Variants in CHD7 observed in about 807,000 individuals in gnomAD.
The protein encoded by CHD7 is chromodomain helicase DNA binding protein 7.
CHD7 carries 24 observed loss-of-function variants against 307.3 expected under a neutral mutation model. The observed-to-expected ratio is 0.08, with a 90% CI of 0.06 to 0.11. The LOEUF is 0.11. Among genes scored for constraint, CHD7 ranks in the 10% least tolerant of loss-of-function variants. The pLI is 1.00. For missense variants in CHD7, 3,106 were observed against 3,727.1 expected (o/e 0.83, Z 4.34); for synonymous variants, 1,363 against 1,349.9 (o/e 1.01, Z -0.21).
rs375800664 is a variant in CHD7, at chr8:60,865,135, C to T, written c.8196C>T (p.Ala2732=). 77 of 1,611,460 alleles carry T rather than the reference C, an allele frequency of 4.8e-5. No individual in the cohort carries two copies. The highest frequency in any genetic ancestry group is 3.3e-4 in the Middle Eastern group (2 of 6,080). ...KSEIARAAAA[A]AAVASTSGIN... ...AGATCGCCAGAGCAGCCGCGGCCGCCGCTGCTGTGGCCTCCACGTCAGGGA... is the reference window on the plus strand; with the variant it reads ...AGATCGCCAGAGCAGCCGCGGCCGCTGCTGCTGTGGCCTCCACGTCAGGGA... Residue 2732 remains alanine (A), a synonymous_variant, in exon 38 of 38, where the codon GCC becomes GCT. Transcript: ENST00000423902. The surrounding 1 kb of genome is among the most constrained non-coding windows in gnomAD (Gnocchi z 4.3).
chr8:60,682,148 T>C (rs1467080163), intron 1 of CHD7, among the ~76,000 whole-genome samples: 1 of 152,246 alleles, frequency 6.6e-6, no homozygotes, highest in Non-Finnish European at 1.5e-5. Context: ...AACAACGTAT[T>C]CAGTAACTTA....
At chr8:60,765,607 C>T (rs1490926328) in intron 2 of CHD7, among the ~76,000 whole-genome samples, 1 of 152,178 alleles carries the variant, frequency 6.6e-6, no homozygotes, top group Admixed American at 6.5e-5. Context: ...TCCACAAGCA[C>T]TAAATTGGGA....
chr8:60,767,438 G>T (rs1418831169), intron 2 of CHD7, among the ~76,000 whole-genome samples: 1 of 152,188 alleles, frequency 6.6e-6, no homozygotes, highest in Admixed American at 6.5e-5. Flanking sequence ...TAGTCCTTGA[G>T]GCAGACTTGT....
intron 8 of CHD7, among the ~76,000 whole-genome samples, chr8:60,819,370 A>C (rs1003659088): frequency 1.3e-5 from 2 of 152,246 alleles, no homozygotes; most frequent in African/African-American, 4.8e-5. Flanking sequence ...CCAATTATTT[A>C]GGCTTCATTT....
At chr8:60,809,227 A>G (rs1335854116) in intron 7 of CHD7, among the ~76,000 whole-genome samples, 1 of 152,226 alleles carries the variant, frequency 6.6e-6, no homozygotes, top group Non-Finnish European at 1.5e-5. Context: ...AAGTAAAAAG[A>G]TAAAGAAGTC....
chr8:60,796,284 G>A (rs1259537066), intron 4 of CHD7, among the ~76,000 whole-genome samples: 1 of 152,156 alleles, frequency 6.6e-6, no homozygotes, highest in African/African-American at 2.4e-5. Flanking sequence ...ATATTGGGAA[G>A]GTAAGTAGAT....
chr8:60,801,608 A>G lies in CHD7; in HGVS notation c.2442+15A>G, dbSNP rs1482583913. On this transcript the variant is annotated intron_variant, in intron 6 of 37. Coordinates refer to ENST00000423902, the MANE Select transcript of CHD7 (RefSeq NM_017780.4). ...TAAAAAAGCAGGTGAGTGCCATTGG[A>G]GCCATTAAAATCTGTGAGGTGTATG... 2 of 1,549,840 alleles carry G rather than the reference A, an allele frequency of 1.3e-6. No individual in the cohort carries two copies. Among genetic ancestry groups the G allele is most frequent in the Non-Finnish European group, 1.8e-6 (2 of 1,139,934 alleles).
chr8:60,725,387 G>A (rs1808115586), intron 1 of CHD7, among the ~76,000 whole-genome samples: 1 of 152,218 alleles, frequency 6.6e-6, no homozygotes, highest in African/African-American at 2.4e-5. Flanking sequence ...GTATCCCAAA[G>A]TGTACCATCA....
At chr8:60,819,309 G>A (rs1803909415) in intron 8 of CHD7, among the ~76,000 whole-genome samples, 1 of 152,134 alleles carries the variant, frequency 6.6e-6, no homozygotes, top group Non-Finnish European at 1.5e-5. Context: ...TTTGCAGGCA[G>A]CAGTATTACT....
intron 6 of CHD7, among the ~76,000 whole-genome samples, chr8:60,804,825 A>G (rs1382293653): frequency 1.3e-5 from 2 of 152,228 alleles, no homozygotes; most frequent in East Asian, 1.9e-4. Context: ...TGCCTTCTCA[A>G]AGTTTCTGGT....
chr8:60,815,246 C>A (rs1803673054), intron 7 of CHD7, among the ~76,000 whole-genome samples: 2 of 152,130 alleles, frequency 1.3e-5, no homozygotes, highest in Non-Finnish European at 2.9e-5. Context: ...TTTCCTATAT[C>A]ATGAATCATT....
In CHD7 at chr8:60,781,318, A is replaced by G; in HGVS notation, c.1984A>G (p.Lys662Glu). 1.3e-6 allele frequency: 2 copies of G among 1,570,462 alleles called. No homozygotes were observed. The highest frequency in any genetic ancestry group is 1.7e-6 in the Non-Finnish European group (2 of 1,158,986). The change falls in exon 3 of 38, where the codon AAA (lysine) becomes GAA (glutamate). Residue 662 changes from lysine (K) to glutamate (E), a missense_variant. This residue lies in a region of CHD7 where 998 missense variants were observed against 1,004.5 expected (regional missense o/e 0.99). Coordinates refer to ENST00000423902, the MANE Select transcript of CHD7 (RefSeq NM_017780.4). ...DPKEPKEPKEKKEPKEPKTPK... is the reference protein window; with the variant it reads ...DPKEPKEPKEEKEPKEPKTPK... ...GAAGGAACCGAAAGAACCCAAGGAG[A>G]AAAAAGAGCCCAAGGAACCCAAGAC...
At chr8:60,758,543 A>G (rs1810006591) in intron 2 of CHD7, among the ~76,000 whole-genome samples, 1 of 152,202 alleles carries the variant, frequency 6.6e-6, no homozygotes, top group Non-Finnish European at 1.5e-5. Flanking sequence ...TTTGTTTGAG[A>G]GCTCATATTT....
chr8:60,756,637 A>C (rs1027041677), intron 2 of CHD7, among the ~76,000 whole-genome samples: 1 of 152,120 alleles, frequency 6.6e-6, no homozygotes, highest in South Asian at 2.1e-4. Context: ...CCATAATTGC[A>C]CCTGTGAATA....
In CHD7 at chr8:60,852,201, G is replaced by A. The variant is rs201423234; in HGVS notation, c.5848G>A (p.Ala1950Thr). ...ACGGCGGCCTCGAGAGGAAGTGAGA[G>A]CTCTGGAAGCGGAAAGGGAAGCTAT... The part of the protein sequence containing the change: ...RRRRPREEVR[A>T]LEAEREAIIS... Residue 1950 changes from alanine to threonine, a missense_variant, in exon 29 of 38, where the codon GCT (alanine) becomes ACT (threonine). Physicochemically the swap from Ala to Thr is moderately conservative, Grantham distance 58. Around this residue, in one of 10 missense-constraint regions of CHD7, gnomAD observed 1,030 missense variants for 1,165.4 expected, o/e 0.88. Transcript: ENST00000423902. The A allele has an allele frequency of 3.0e-4, 485 of 1,613,616 alleles. 1 individual carries two copies. The highest frequency in any genetic ancestry group is 3.9e-4 in the Non-Finnish European group (455 of 1,179,854).
At chr8:60,845,726 T>C (rs1586433019) in intron 23 of CHD7, among the ~76,000 whole-genome samples, 1 of 152,250 alleles carries the variant, frequency 6.6e-6, no homozygotes, top group African/African-American at 2.4e-5. Context: ...TTTTTTAACA[T>C]GGTAAGATAC....
At chr8:60,800,238 T>C (rs1434801560) in intron 4 of CHD7, 150 bp from the exon 5 acceptor site, 3 of 576,690 alleles carry the variant, frequency 5.2e-6, no homozygotes, top group East Asian at 7.2e-5. Flanking sequence ...TTCACCATGT[T>C]AGCCAGGATG....
At chr8:60,842,929 G>A (rs1489770809) in intron 21 of CHD7, among the ~76,000 whole-genome samples, 1 of 152,126 alleles carries the variant, frequency 6.6e-6, no homozygotes, top group Admixed American at 6.5e-5. Context: ...TCTCATCTGT[G>A]TCTTTGCACA....
intron 34 of CHD7, among the ~76,000 whole-genome samples, chr8:60,857,181 C>T (rs1001699190): frequency 1.3e-5 from 2 of 152,198 alleles, no homozygotes; most frequent in African/African-American, 2.4e-5. Context: ...GAATTGTTAT[C>T]TCTGAATTCT....
Sources: gnomAD v4.1 joint callset for allele counts (sites outside exome capture counted in the v4.1 genomes callset) on GRCh38, gnomAD v4.1.1 for gene constraint, gnomAD v4.1.1 regional missense constraint, Gnocchi (gnomAD v3.1) non-coding constraint, MANE v1.5 for transcripts, NCBI Gene and HGNC (gene_info 2026-07-23, HGNC 2026-07-21) for gene names.